The following PLPP4 variants were observed in gnomAD, a reference collection of about 807,000 sequenced individuals.
PLPP4 encodes the protein phospholipid phosphatase 4, also known as diacylglycerol pyrophosphate like 2.
PLPP4 carries 20 observed loss-of-function variants against 32.2 expected under a neutral mutation model. The ratio of observed to expected loss-of-function variants is 0.62; its 90% CI spans 0.44 to 0.90. PLPP4 has a LOEUF of 0.90. PLPP4 is among the 40% of genes least tolerant of loss of function. The pLI, the probability that PLPP4 is intolerant of heterozygous loss-of-function variation, is 0.00. For missense variants in PLPP4, 257 were observed against 353.1 expected (o/e 0.73, Z 2.18); for synonymous variants, 127 against 133.0 (o/e 0.95, Z 0.31).
At chr10:120,503,601 G>T (rs758089647) in intron 1 of PLPP4, 2 of 1,609,912 alleles carry the variant, frequency 1.2e-6, no homozygotes, top group East Asian at 4.5e-5. Context: ...GGTCCTTCTG[G>T]CAGGTAGTGA....
intron 1 of PLPP4, among the ~76,000 whole-genome samples, chr10:120,476,286 C>T (rs1278042917): frequency 6.6e-6 from 1 of 152,250 alleles, no homozygotes; most frequent in African/African-American, 2.4e-5. Context: ...TAAGTTATAA[C>T]AACTGCTTCT....
chr10:120,578,117 T>G lies in PLPP4; in HGVS notation c.616+2816T>G, dbSNP rs1028153772. 5.9e-5 allele frequency among the ~76,000 whole-genome samples: 9 copies of G among 152,362 alleles called. No individual in the cohort carries two copies. The East Asian group carries it at 1.7e-3, about 29-fold the overall frequency. ...CTGCCCAGGTTGAGAACCCCTGTTC[T>G]ACATCATACCCCAGCTCCATATTTC... On this transcript the variant is annotated intron_variant, in intron 6 of 6. Coordinates refer to ENST00000398250, the MANE Select transcript of PLPP4 (RefSeq NM_001030059.3).
At chr10:120,462,690 A>G (rs1236499053) in intron 1 of PLPP4, among the ~76,000 whole-genome samples, 3 of 152,244 alleles carry the variant, frequency 2.0e-5, no homozygotes, top group Non-Finnish European at 4.4e-5. Flanking sequence ...CACCTGCGTC[A>G]GGATTACACG....
chr10:120,487,153 C>G (rs1844495785), intron 1 of PLPP4, among the ~76,000 whole-genome samples: 1 of 152,234 alleles, frequency 6.6e-6, no homozygotes, highest in South Asian at 2.1e-4. Flanking sequence ...CAATTAAGAC[C>G]TTACAATCAC....
intron 5 of PLPP4, among the ~76,000 whole-genome samples, chr10:120,557,731 T>A (rs1178010132): frequency 6.6e-6 from 1 of 152,214 alleles, no homozygotes; most frequent in Admixed American, 6.5e-5. Flanking sequence ...GTATGCCCTG[T>A]GATTATGGAA....
At chr10:120,579,519 C>T (rs1484177927) in intron 6 of PLPP4, among the ~76,000 whole-genome samples, 2 of 152,158 alleles carry the variant, frequency 1.3e-5, no homozygotes, top group Non-Finnish European at 1.5e-5. Flanking sequence ...ATTACTGACC[C>T]TGCAAATGCA....
intron 5 of PLPP4, among the ~76,000 whole-genome samples, chr10:120,572,456 C>T (rs1178113165): frequency 6.6e-6 from 1 of 152,210 alleles, no homozygotes; most frequent in Admixed American, 6.5e-5. Flanking sequence ...AAAATTCCTG[C>T]TCAACAGCTG....
chr10:120,479,260 A>C (rs1459913003), intron 1 of PLPP4, among the ~76,000 whole-genome samples: 4 of 151,490 alleles, frequency 2.6e-5, no homozygotes, highest in Non-Finnish European at 4.4e-5. Context: ...CCAAAAAAAA[A>C]CCTTCCCATC....
intron 2 of PLPP4, among the ~76,000 whole-genome samples, chr10:120,506,489 A>G (rs1444799952): frequency 6.6e-6 from 1 of 152,214 alleles, no homozygotes; most frequent in African/African-American, 2.4e-5. Context: ...TTTCTTTGAA[A>G]GCTCACATTT....
At chr10:120,510,176 T>C (rs1270357502) in intron 2 of PLPP4, among the ~76,000 whole-genome samples, 2 of 152,212 alleles carry the variant, frequency 1.3e-5, no homozygotes, top group Non-Finnish European at 2.9e-5. Context: ...GCCTTTGTTA[T>C]TGTAACCTAG....
chr10:120,498,768 C>T (rs1845092791), intron 1 of PLPP4, among the ~76,000 whole-genome samples: 1 of 151,590 alleles, frequency 6.6e-6, no homozygotes, highest in African/African-American at 2.4e-5. Context: ...TCAAGCAATT[C>T]TCGTACCTCA....
At position 120,590,178 on chromosome 10, in the gene PLPP4, T is replaced by A. The variant is rs565593105; in HGVS notation, c.*676T>A. Among the ~76,000 whole-genome samples, 47 of 152,340 alleles carry A rather than the reference T, an allele frequency of 3.1e-4. No individual in the cohort carries two copies. The highest frequency in any genetic ancestry group is 2.5e-3 in the Admixed American group (38 of 15,300). On this transcript the variant is annotated 3_prime_UTR_variant, in exon 7 of 7. Coordinates refer to ENST00000398250, the MANE Select transcript of PLPP4 (RefSeq NM_001030059.3). ...GGGGGATGAGGTCACAGCAGTTGCC[T>A]GAGGGTTCATGGGCACAATATCCTT...
intron 2 of PLPP4, among the ~76,000 whole-genome samples, chr10:120,513,298 G>A (rs557158539): frequency 7.9e-5 from 12 of 152,292 alleles, no homozygotes; most frequent in Admixed American, 5.2e-4. Flanking sequence ...CAGTACCATG[G>A]TTTCCACCTC....
At chr10:120,588,370 G>T (rs1849860257) in intron 6 of PLPP4, among the ~76,000 whole-genome samples, 1 of 150,338 alleles carries the variant, frequency 6.7e-6, no homozygotes, top group Non-Finnish European at 1.5e-5. Context: ...TGCCTCACCT[G>T]CTCCCCTCTT....
At chr10:120,498,908 C>A (rs1845101752) in intron 1 of PLPP4, among the ~76,000 whole-genome samples, 1 of 152,080 alleles carries the variant, frequency 6.6e-6, no homozygotes, top group Non-Finnish European at 1.5e-5. Context: ...GATCCACCTG[C>A]CTTGGCCTCC....
intron 6 of PLPP4, among the ~76,000 whole-genome samples, chr10:120,576,392 T>G (rs1849226263): frequency 6.6e-6 from 1 of 152,150 alleles, no homozygotes; most frequent in African/African-American, 2.4e-5. Flanking sequence ...TCTTCCTACC[T>G]TTTCCGGGGG....
chr10:120,587,427 C>T (rs1406905774), intron 6 of PLPP4: 3 of 152,164 alleles, frequency 2.0e-5, no homozygotes, highest in South Asian at 2.1e-4. Flanking sequence ...AATAAAAGAG[C>T]TTTTCTTTTA....
At chr10:120,501,737 G>T (rs541895808) in intron 1 of PLPP4, among the ~76,000 whole-genome samples, 1 of 152,274 alleles carries the variant, frequency 6.6e-6, no homozygotes, top group African/African-American at 2.4e-5. Context: ...GGGACTCCTG[G>T]CCCATCAGGG....
intron 1 of PLPP4, among the ~76,000 whole-genome samples, chr10:120,459,075 T>C (rs1435087859): frequency 6.6e-6 from 1 of 152,174 alleles, no homozygotes; most frequent in Non-Finnish European, 1.5e-5. Context: ...CAAATATTTA[T>C]GAGATGTTTA....
Sources: allele counts gnomAD v4.1 joint callset (sites outside exome capture counted in the v4.1 genomes callset), GRCh38; gene constraint gnomAD v4.1.1; transcripts MANE v1.5; gene names NCBI Gene and HGNC (gene_info 2026-07-23, HGNC 2026-07-21).